ODAD4: variants seen among roughly 807,000 people sequenced by gnomAD.
ODAD4 encodes the protein outer dynein arm docking complex subunit 4.
In ODAD4, 49 loss-of-function variants were observed where a neutral mutation model predicts 51.8. The observed-to-expected ratio is 0.95, with a 90% CI of 0.75 to 1.20. ODAD4 has a LOEUF of 1.20. Among genes scored for constraint, ODAD4 ranks in the 50% most tolerant of loss-of-function variants. ODAD4 has a pLI of 0.00. For missense variants in ODAD4, 590 were observed against 586.5 expected (o/e 1.01, Z -0.06); for synonymous variants, 235 against 221.3 (o/e 1.06, Z -0.55).
At position 41,949,761 on chromosome 17, in the gene ODAD4, C is replaced by T. The variant is rs947638682; in HGVS notation, c.1342+412C>T. Among the ~76,000 whole-genome samples, 220 of 152,270 alleles carry T rather than the reference C, an allele frequency of 1.4e-3. 1 individual carries two copies. The highest frequency in any genetic ancestry group is 2.5e-3 in the Non-Finnish European group (172 of 68,032). On this transcript the variant is annotated intron_variant, in intron 9 of 11. Coordinates refer to ENST00000377540, the MANE Select transcript of ODAD4 (RefSeq NM_031421.5). ...GATCTCGGCTCATTGCAACCTCTGCCTCCCAGGTTCAAGTGATTCTTCTGC... is the reference window on the plus strand; with the variant it reads ...GATCTCGGCTCATTGCAACCTCTGCTTCCCAGGTTCAAGTGATTCTTCTGC...
At chr17:41,941,618 A>T (rs2050507155) in intron 7 of ODAD4, among the ~76,000 whole-genome samples, 1 of 152,014 alleles carries the variant, frequency 6.6e-6, no homozygotes, top group Admixed American at 6.6e-5. Flanking sequence ...AAAAAAAATT[A>T]GCCGGGCGTA....
At chr17:41,936,369 C>T (rs1170354734) in intron 3 of ODAD4, 104 bp from the exon 4 acceptor site, 1 of 818,414 alleles carries the variant, frequency 1.2e-6, no homozygotes, top group African/African-American at 1.7e-5. Flanking sequence ...TTGCCACAGC[C>T]TCCACCATCC....
intron 9 of ODAD4, 62 bp downstream of exon 9, chr17:41,949,411 C>CT: frequency 2.5e-6 from 1 of 398,170 alleles, no homozygotes; most frequent in Non-Finnish European, 4.4e-6. Flanking sequence ...CACACCAGGG[C>CT]TAGGAGTCTT....
At chr17:41,932,660 T>C (rs1256392435) in intron 1 of ODAD4, among the ~76,000 whole-genome samples, 1 of 151,876 alleles carries the variant, frequency 6.6e-6, no homozygotes, top group Admixed American at 6.6e-5. Flanking sequence ...TCCTCCCACC[T>C]TAGTGTTCCA....
intron 4 of ODAD4, 68 bp from the exon 5 acceptor site, chr17:41,936,694 C>T: frequency 6.3e-7 from 1 of 1,589,782 alleles, no homozygotes; most frequent in Non-Finnish European, 8.6e-7. Context: ...ATCACAGACC[C>T]TAGGGCCATG....
intron 10 of ODAD4, among the ~76,000 whole-genome samples, chr17:41,955,904 C>T (rs1430167667): frequency 6.6e-6 from 1 of 152,028 alleles, no homozygotes; most frequent in Non-Finnish European, 1.5e-5. Context: ...CCTCGACCTC[C>T]TGGGCTCAAG....
intron 7 of ODAD4, among the ~76,000 whole-genome samples, chr17:41,939,414 T>G (rs2050476418): frequency 6.6e-6 from 1 of 152,188 alleles, no homozygotes; most frequent in Non-Finnish European, 1.5e-5. Context: ...CCCAATGATC[T>G]GGCTCTTAGG....
chr17:41,941,790 A>C (rs2050510781), intron 7 of ODAD4, among the ~76,000 whole-genome samples: 1 of 151,280 alleles, frequency 6.6e-6, no homozygotes, highest in Non-Finnish European at 1.5e-5. Flanking sequence ...AAAAGAGAGA[A>C]AAGAAAAGCC....
At position 41,942,363 on chromosome 17, in the gene ODAD4, A is replaced by T. The variant is rs183276349; in HGVS notation, c.1059-2773A>T. ...TGCTAGATTAGCCACTTACTAGTCTAAGTGGTTTTTTCAGTGCCCACGGCA... is the reference window on the plus strand; with the variant it reads ...TGCTAGATTAGCCACTTACTAGTCTTAGTGGTTTTTTCAGTGCCCACGGCA... On this transcript the variant is annotated intron_variant, in intron 7 of 11. Coordinates refer to ENST00000377540, the MANE Select transcript of ODAD4 (RefSeq NM_031421.5). Among the ~76,000 whole-genome samples, 117 of 152,236 alleles carry T rather than the reference A, an allele frequency of 7.7e-4. No individual in the cohort carries two copies. The South Asian group carries it at 0.011, about 15-fold the overall frequency.
intron 10 of ODAD4, among the ~76,000 whole-genome samples, chr17:41,959,369 T>G (rs1343968180): frequency 6.6e-6 from 1 of 152,088 alleles, no homozygotes; most frequent in Admixed American, 6.6e-5. Context: ...TGGAGTGAAG[T>G]AAACGGGGCC....
chr17:41,963,515 T>C (rs1555642053), intron 11 of ODAD4, among the ~76,000 whole-genome samples: 2 of 152,214 alleles, frequency 1.3e-5, no homozygotes. Flanking sequence ...AATCCTTCTG[T>C]CATTTTCCAG....
rs545141402 is a variant in ODAD4, at chr17:41,961,003, G to A, written c.1444-379G>A. The stretch of plus-strand genomic sequence containing the variant: ...CAGCCTGTCCCCTTGGTGTGTTTCT[G>A]GGTCTTTTCAGTGCTGCCTTGCTGA... On this transcript the variant is annotated intron_variant, in intron 10 of 11. Coordinates refer to ENST00000377540, the MANE Select transcript of ODAD4 (RefSeq NM_031421.5). Among the ~76,000 whole-genome samples, 3 of 152,290 alleles carry A rather than the reference G, an allele frequency of 2.0e-5. No individual in the cohort carries two copies. The South Asian group carries it at 6.2e-4, about 32-fold the overall frequency.
At chr17:41,955,103 A>T in intron 9 of ODAD4, 114 bp from the exon 10 acceptor site, 2 of 712,158 alleles carry the variant, frequency 2.8e-6, no homozygotes, top group Non-Finnish European at 2.6e-6. Context: ...GTCCGACTAC[A>T]GCTCACACAA....
chr17:41,957,518 T>C (rs570268218), intron 10 of ODAD4, among the ~76,000 whole-genome samples: 2 of 152,216 alleles, frequency 1.3e-5, no homozygotes, highest in East Asian at 3.9e-4. Context: ...TGGCCCAGGG[T>C]CTAAATTGAC....
chr17:41,953,390 A>C (rs541254562), intron 9 of ODAD4, among the ~76,000 whole-genome samples: 1 of 152,160 alleles, frequency 6.6e-6, no homozygotes, highest in South Asian at 2.1e-4. Flanking sequence ...ACTTATGAAC[A>C]CAAGGGCTTA....
intron 3 of ODAD4, among the ~76,000 whole-genome samples, chr17:41,936,241 C>T (rs1479002328): frequency 5.9e-5 from 9 of 152,192 alleles, no homozygotes; most frequent in Admixed American, 3.3e-4. Flanking sequence ...GCATCCTTGG[C>T]CTCCCTTTGT....
intron 9 of ODAD4, among the ~76,000 whole-genome samples, chr17:41,952,229 G>A (rs895562289): frequency 6.6e-6 from 1 of 151,738 alleles, no homozygotes; most frequent in Non-Finnish European, 1.5e-5. Flanking sequence ...TTAGCCGGGC[G>A]TGGTGGTGCA....
intron 10 of ODAD4, 146 bp from the exon 11 acceptor site, chr17:41,961,236 G>A (rs2050801592): frequency 1.7e-6 from 1 of 601,520 alleles, no homozygotes; most frequent in African/African-American, 1.9e-5. Flanking sequence ...AGATTAACCT[G>A]AGGGTAGGGG....
chr17:41,942,618 G>A (rs893289631), intron 7 of ODAD4, among the ~76,000 whole-genome samples: 26 of 152,194 alleles, frequency 1.7e-4, no homozygotes, highest in Admixed American at 9.8e-4. Context: ...GCAGGTGGGA[G>A]CTTGGCAGGG....
Sources: allele counts gnomAD v4.1 joint callset (sites outside exome capture counted in the v4.1 genomes callset), GRCh38; gene constraint gnomAD v4.1.1; transcripts MANE v1.5; gene names NCBI Gene and HGNC (gene_info 2026-07-23, HGNC 2026-07-21).